TUFM: variants seen among roughly 807,000 people sequenced by gnomAD.
TUFM encodes the protein elongation factor Tu, mitochondrial.
In TUFM, 23 loss-of-function variants were observed where a neutral mutation model predicts 45.0. That is an observed-to-expected ratio of 0.51 (90% CI 0.37 to 0.72). The LOEUF (loss-of-function observed/expected upper bound fraction) is 0.72, where lower values mean the gene tolerates loss of function less well. Ranked by LOEUF, TUFM falls within the 30% of genes least tolerant of loss-of-function variation. The pLI is 0.00. For missense variants in TUFM, 490 were observed against 610.7 expected (o/e 0.80, Z 2.08); for synonymous variants, 243 against 252.9 (o/e 0.96, Z 0.37).
chr16:28,846,160 C>T, intron 1 of TUFM, 54 bp from the exon 2 acceptor site: 1 of 1,603,002 alleles, frequency 6.2e-7, no homozygotes, highest in Non-Finnish European at 8.5e-7. Flanking sequence ...CCGAACCCAG[C>T]CACCTACCAC....
At position 28,846,199 on chromosome 16, in the gene TUFM, G is replaced by T. The variant is rs1465726497; in HGVS notation, c.52+19C>A. 6 of 1,583,076 alleles carry T rather than the reference G, an allele frequency of 3.8e-6. No individual in the cohort carries two copies. The highest frequency in any genetic ancestry group is 5.2e-6 in the Non-Finnish European group (6 of 1,164,696). ...CCCAAAGTGTTCCTGGGCCGCCATC[G>T]CCCTCCCTGACCACTCACCGCTGAA... On this transcript the variant is annotated intron_variant, in intron 1 of 9. Coordinates refer to ENST00000313511, the MANE Select transcript of TUFM (RefSeq NM_003321.5).
chr16:28,843,589 C>CT lies in TUFM; in HGVS notation c.1194+146dup. 3 of 1,218,528 alleles carry CT rather than the reference C, an allele frequency of 2.5e-6. No individual in the cohort carries two copies. In the East Asian group the frequency reaches 7.7e-5, roughly 31 times the overall value. 75.5% of individuals were successfully genotyped at this position (1,218,528 alleles called of 1,614,324 possible). ...CCTAAGTCCATGGGCCATGCCCCTT[C>CT]TGTTGGCTAGCAGCGGCAAGCAGCC... On this transcript the variant is annotated intron_variant, in intron 9 of 9. Coordinates refer to ENST00000313511, the MANE Select transcript of TUFM (RefSeq NM_003321.5).
Position 28,844,463 on chromosome 16 carries a change from TC to T in TUFM, c.772del (p.Glu258ArgfsTer21), listed in dbSNP as rs757617309. The T allele has an allele frequency of 6.2e-7, 1 of 1,614,114 alleles. No individual in the cohort carries two copies. Among genetic ancestry groups the T allele is most frequent in the Non-Finnish European group, 8.5e-7 (1 of 1,180,022 alleles). ...TYIPVPARDL[E>X]KPFLLPVEAV... ...CTCCACAGGCAGCAGGAAAGGCTTC[TC>T]CAGGTCCCGGGCGGGCACTGGGATG... On this transcript the variant is annotated frameshift_variant, in exon 6 of 10. Transcript: ENST00000313511. LOFTEE classifies it high-confidence loss of function. This position sits in a 1 kb window ranked among gnomAD's most constrained non-coding sequence, Gnocchi z 5.8.
At chr16:28,843,667 A>C in intron 9 of TUFM, 69 bp downstream of exon 9, 3 of 1,602,792 alleles carry the variant, frequency 1.9e-6, no homozygotes, top group Non-Finnish European at 1.7e-6. Context: ...GTATCTTTGG[A>C]ACTATGAGTG....
Position 28,844,091 on chromosome 16 carries a change from C to T in TUFM, c.933G>A (p.Met311Ile). ...CGGCCCTCTCCAGGCTCTTGTGGAA[C>T]ATCTCAATGCCTAGGACGGAAAGGG... ...NIRTVVTGIE[M>I]FHKSLERAEA... is the part of the protein sequence containing the mutation. The change falls in exon 8 of 10, where the codon ATG becomes ATA. Residue 311 changes from methionine (M) to isoleucine (I), a missense_variant. By Grantham distance (10) the Met-to-Ile change is conservative. Coordinates refer to ENST00000313511, the MANE Select transcript of TUFM (RefSeq NM_003321.5). This position sits in a 1 kb window ranked among gnomAD's most constrained non-coding sequence, Gnocchi z 5.8. 2 of 1,614,168 alleles carry T rather than the reference C, an allele frequency of 1.2e-6. No homozygotes were observed. Among genetic ancestry groups the T allele is most frequent in the Non-Finnish European group, 1.7e-6 (2 of 1,180,044 alleles).
Position 28,843,137 on chromosome 16 carries a change from C to A in TUFM, c.1206G>T (p.Met402Ile). 1 of 1,614,194 alleles carries A rather than the reference C, an allele frequency of 6.2e-7. No homozygotes were observed. The highest frequency in any genetic ancestry group is 1.7e-5 in the Admixed American group (1 of 60,024). Residue 402 changes from methionine (M) to isoleucine (I), a missense_variant, in exon 10 of 10, where the codon ATG (methionine) becomes ATT (isoleucine). Transcript: ENST00000313511. Reference sequence around the variant, plus strand: ...GGTTGAACTTCAGGTCCTCCCCGGGCATGGCAAGCTCCTAGAGTAGGAAGA... The same window carrying A: ...GGTTGAACTTCAGGTCCTCCCCGGGAATGGCAAGCTCCTAGAGTAGGAAGA... ...IILPPEKELA[M>I]PGEDLKFNLI...
In TUFM at chr16:28,846,308, C is replaced by T. The variant is rs537241630; in HGVS notation, c.-39G>A. The T allele has an allele frequency of 1.9e-6, 3 of 1,544,138 alleles. No homozygotes were observed. In the African/African-American group the frequency reaches 4.1e-5, roughly 21 times the overall value. ...TAACCGGGGAGCCGGGACCAGGAGC[C>T]CGAGCGCACAGAAGAAGAAGGGCGC... On this transcript the variant is annotated 5_prime_UTR_variant, in exon 1 of 10. Transcript: ENST00000313511.
chr16:28,845,666 T>C (rs950019602), intron 2 of TUFM, among the ~76,000 whole-genome samples, 186 bp from the exon 3 acceptor site: 37 of 152,166 alleles, frequency 2.4e-4, no homozygotes, highest in African/African-American at 8.7e-4. Flanking sequence ...GTGACTTCTT[T>C]AGGGTACAGC....
rs543802433 is a variant in TUFM at position 28,844,245 on chromosome 16, G to A, written c.907C>T (p.Arg303Cys). Reference protein sequence around the residue: ...CELLGHSKNIRTVVTGIEMFH... With the variant: ...CELLGHSKNICTVVTGIEMFH... Reference sequence around the variant, plus strand: ...CTTCCCAAACCTGTCACCACAGTGCGGATGTTCTTGCTATGTCCTAGGAGC... The same window carrying A: ...CTTCCCAAACCTGTCACCACAGTGCAGATGTTCTTGCTATGTCCTAGGAGC... The change falls in exon 7 of 10, where the codon CGC (arginine) becomes TGC (cysteine). Residue 303 changes from arginine (R) to cysteine (C), a missense_variant. By Grantham distance (180) the Arg-to-Cys change is radical. Coordinates refer to ENST00000313511, the MANE Select transcript of TUFM (RefSeq NM_003321.5). The surrounding 1 kb of genome is among the most constrained non-coding windows in gnomAD (Gnocchi z 5.8). 2.0e-5 allele frequency: 32 copies of A among 1,614,152 alleles called. No homozygotes were observed. Among genetic ancestry groups the A allele is most frequent in the East Asian group, 6.7e-5 (3 of 44,874 alleles).
At position 28,845,042 on chromosome 16, in the gene TUFM, C is replaced by T. The variant is rs1446728492; in HGVS notation, c.428G>A (p.Gly143Asp). Reference protein sequence around the residue: ...HADYVKNMITGTAPLDGCILV... With the variant: ...HADYVKNMITDTAPLDGCILV... Reference sequence around the variant, plus strand: ...GATGCAGCCGTCGAGGGGTGCAGTGCCTGTGATCATATTCTGGAGAGGAGA... The same window carrying T: ...GATGCAGCCGTCGAGGGGTGCAGTGTCTGTGATCATATTCTGGAGAGGAGA... The change falls in exon 4 of 10, where the codon GGC (glycine) becomes GAC (aspartate). Residue 143 changes from glycine (G) to aspartate (D), a missense_variant. Transcript: ENST00000313511. The T allele has an allele frequency of 6.2e-7, 1 of 1,614,022 alleles. No individual in the cohort carries two copies. Among genetic ancestry groups the T allele is most frequent in the Non-Finnish European group, 8.5e-7 (1 of 1,180,044 alleles).
Position 28,843,009 on chromosome 16 carries a change from A to G in TUFM, c.1334T>C (p.Met445Thr). 1 of 1,614,220 alleles carries G rather than the reference A, an allele frequency of 6.2e-7. No homozygotes were observed. Among genetic ancestry groups the G allele is most frequent in the Non-Finnish European group, 8.5e-7 (1 of 1,180,042 alleles). ...TTTGATATTCTTCTCCTCCTCAGTCATGGCCAGCGTGTTGGTGACTAGACC... is the reference window on the plus strand; with the variant it reads ...TTTGATATTCTTCTCCTCCTCAGTCGTGGCCAGCGTGTTGGTGACTAGACC... The part of the protein sequence containing the change: ...GTGLVTNTLA[M>T]TEEEKNIKWG Residue 445 changes from methionine to threonine, a missense_variant, in exon 10 of 10, where the codon ATG becomes ACG. Met to Thr is a moderately conservative substitution (Grantham distance 81). Transcript: ENST00000313511.
In TUFM at chr16:28,844,739, C is replaced by G. The variant is rs75548677; in HGVS notation, c.643G>C (p.Glu215Gln). The G allele has an allele frequency of 6.2e-7, 1 of 1,614,212 alleles. No individual in the cohort carries two copies. Among genetic ancestry groups the G allele is most frequent in the South Asian group, 1.1e-5 (1 of 91,088 alleles). ...LLTEFGYKGE[E>Q]TPVIVGSALC... ...GCAGAGCCTACGATGACTGGGGTCTCCTCCCCTTTATAGCCAAACTCGGTG... is the reference window on the plus strand; with the variant it reads ...GCAGAGCCTACGATGACTGGGGTCTGCTCCCCTTTATAGCCAAACTCGGTG... Residue 215 changes from glutamate (E) to glutamine (Q), a missense_variant, in exon 5 of 10, where the codon GAG becomes CAG. Physicochemically the swap from Glu to Gln is conservative, Grantham distance 29. Transcript: ENST00000313511. This position sits in a 1 kb window ranked among gnomAD's most constrained non-coding sequence, Gnocchi z 5.8.
chr16:28,844,114 G>A lies in TUFM; in HGVS notation c.923-13C>T, dbSNP rs776745575. ...AACATCTCAATGCCTAGGACGGAAA[G>A]GGAAAAGGAGCAGGGAGAAGGAAGG... On this transcript the variant is annotated splice_polypyrimidine_tract_variant and intron_variant, in intron 7 of 9. Coordinates refer to ENST00000313511, the MANE Select transcript of TUFM (RefSeq NM_003321.5). The surrounding 1 kb of genome is among the most constrained non-coding windows in gnomAD (Gnocchi z 5.8). 6 of 1,614,218 alleles carry A rather than the reference G, an allele frequency of 3.7e-6. No individual in the cohort carries two copies. The East Asian group carries it at 6.7e-5, about 18-fold the overall frequency.
chr16:28,843,646 G>T, intron 9 of TUFM, 90 bp downstream of exon 9: 2 of 1,573,502 alleles, frequency 1.3e-6, no homozygotes, highest in Non-Finnish European at 1.7e-6. Context: ...AGCCACTCGG[G>T]TTGTCACAGT....
rs1323911352 is a variant in TUFM at position 28,844,009 on chromosome 16, G to A, written c.1015C>T (p.Arg339Trp). ...VRGLKREDLR[R>W]GLVMVKPGSI... is the part of the protein sequence containing the mutation. ...CCTGGCTTGACCATGACCAGGCCCC[G>A]CCGCAAGTCCTCCCGCTTCAAGCCT... Residue 339 changes from arginine to tryptophan, a missense_variant, in exon 8 of 10, where the codon CGG (arginine) becomes TGG (tryptophan). Arg to Trp is a moderately radical substitution (Grantham distance 101). Transcript: ENST00000313511. The surrounding 1 kb of genome is among the most constrained non-coding windows in gnomAD (Gnocchi z 5.8). The A allele has an allele frequency of 5.6e-6, 9 of 1,614,192 alleles. No homozygotes were observed. The highest frequency in any genetic ancestry group is 2.2e-5 in the East Asian group (1 of 44,874).
At chr16:28,843,352 AGT>A (rs34774546) in intron 9 of TUFM, among the ~76,000 whole-genome samples, 30 of 152,154 alleles carry the variant, frequency 2.0e-4, no homozygotes, top group Non-Finnish European at 4.0e-4. Context: ...ACCAGTGATG[AGT>A]GTTCCTAAGG....
chr16:28,842,718 C>G lies in TUFM; in HGVS notation c.*257G>C. ...GGGATCTCACAAGCTCCCCATCTGT[C>G]TGGGGTTCAACACCCTTTTTGTCCT... On this transcript the variant is annotated 3_prime_UTR_variant, in exon 10 of 10. Transcript: ENST00000313511. 1 of 534,042 alleles carries G rather than the reference C, an allele frequency of 1.9e-6. No homozygotes were observed. The highest frequency in any genetic ancestry group is 3.1e-5 in the Admixed American group (1 of 31,990). The allele number at this position is 534,042 out of a possible 1,614,324, so 33.1% of individuals were successfully genotyped here. A position where few individuals can be genotyped will look rare whatever the true frequency, so the allele number is the denominator to read the frequency against.
rs200892119 is a variant in TUFM at position 28,843,878 on chromosome 16, G to A, written c.1075-23C>T. The stretch of plus-strand genomic sequence containing the variant: ...AACCTGGAGGAGAGCAAGCAATGAC[G>A]GTGAGCTGGGCTTGGCTGGAGGCTG... On this transcript the variant is annotated intron_variant, in intron 8 of 9. Coordinates refer to ENST00000313511, the MANE Select transcript of TUFM (RefSeq NM_003321.5). 873 of 1,614,064 alleles carry A rather than the reference G, an allele frequency of 5.4e-4. 1 individual carries two copies. The highest frequency in any genetic ancestry group is 6.8e-4 in the Non-Finnish European group (800 of 1,180,000).
chr16:28,843,952 G>C lies in TUFM; in HGVS notation c.1072C>G (p.Gln358Glu). The C allele has an allele frequency of 6.2e-7, 1 of 1,614,108 alleles. No individual in the cohort carries two copies. The highest frequency in any genetic ancestry group is 1.3e-5 in the African/African-American group (1 of 75,036). The stretch of plus-strand genomic sequence containing the variant: ...CCACCGTCACCTGGAGCCCTCACCT[G>C]GGCCTCCACCTTCTGGTGGGGCTTG... Reference protein sequence around the residue: ...SIKPHQKVEAQVYILSKEEGG... With the variant: ...SIKPHQKVEAEVYILSKEEGG... The change falls in exon 8 of 10, where the codon CAG becomes GAG. Residue 358 changes from glutamine (Q) to glutamate (E), a missense_variant and splice_region_variant. Physicochemically the swap from Gln to Glu is conservative, Grantham distance 29. Transcript: ENST00000313511.
Sources: allele counts gnomAD v4.1 joint callset (sites outside exome capture counted in the v4.1 genomes callset), GRCh38; gene constraint gnomAD v4.1.1; non-coding constraint Gnocchi (gnomAD v3.1); transcripts MANE v1.5; gene names NCBI Gene and HGNC (gene_info 2026-07-23, HGNC 2026-07-21).